SPICE1: variants seen among roughly 807,000 people sequenced by gnomAD.
SPICE1 encodes the protein spindle and centriole associated protein 1, also known as spindle and centriole-associated protein 1.
A neutral mutation model predicts 102.7 loss-of-function variants in SPICE1; 75 were observed. The observed-to-expected ratio is 0.73, with a 90% confidence interval of 0.61 to 0.88. The LOEUF (loss-of-function observed/expected upper bound fraction) is 0.88. Among genes scored for constraint, SPICE1 ranks in the 40% least tolerant of loss-of-function variants. The pLI is 0.00. For synonymous variants in SPICE1, 308 were observed against 350.3 expected, an observed-to-expected ratio of 0.88 and a Z score of 1.35; for missense variants, 979 against 1,020.1, an observed-to-expected ratio of 0.96 and a Z score of 0.55.
rs1475794644 is a variant in SPICE1, at chr3:113,453,763, G to C, written c.1845C>G (p.Asn615Lys). The change falls in exon 14 of 18, where the codon AAC (asparagine) becomes AAG (lysine). Residue 615 changes from asparagine (N) to lysine (K), a missense_variant. Asn to Lys is a moderately conservative substitution (Grantham distance 94). Transcript: ENST00000295872. ...GGTTAACAAAAGGAGCCTGAGTTTT[G>C]TTCTCCAAATCTTCTCCCATGTGAG... ...RVSHMGEDLE[N>K]KTQAPFVNLS... 7 of 1,614,092 alleles carry C rather than the reference G, an allele frequency of 4.3e-6. No individual in the cohort carries two copies. The highest frequency in any genetic ancestry group is 5.9e-6 in the Non-Finnish European group (7 of 1,180,008).
At chr3:113,500,057 G>C (rs1223289523) in intron 3 of SPICE1, among the ~76,000 whole-genome samples, 1 of 151,968 alleles carries the variant, frequency 6.6e-6, no homozygotes, top group Non-Finnish European at 1.5e-5. Context: ...CTACTACCAA[G>C]AAATAATAAT....
intron 6 of SPICE1, among the ~76,000 whole-genome samples, chr3:113,492,443 A>G (rs1347631908): frequency 6.6e-6 from 1 of 152,176 alleles, no homozygotes; most frequent in Non-Finnish European, 1.5e-5. Context: ...AAAGTTTACT[A>G]TCTCAAAATT....
chr3:113,453,799 T>A lies in SPICE1; in HGVS notation c.1809A>T (p.Arg603Ser). 1 of 1,614,126 alleles carries A rather than the reference T, an allele frequency of 6.2e-7. No individual in the cohort carries two copies. Among genetic ancestry groups the A allele is most frequent in the Non-Finnish European group, 8.5e-7 (1 of 1,180,010 alleles). Reference protein sequence around the residue: ...SSEENRLFTQRWRVSHMGEDL... With the variant: ...SSEENRLFTQSWRVSHMGEDL... ...CTTCTCCCATGTGAGAGACTCTCCA[T>A]CTCTGAGTGAAGAGACGATTCTCTT... is the stretch of plus-strand genomic sequence containing the variant. Residue 603 changes from arginine (R) to serine (S), a missense_variant, in exon 14 of 18, where the codon AGA (arginine) becomes AGT (serine). Transcript: ENST00000295872.
rs1203735473 is a variant in SPICE1 at position 113,448,125 on chromosome 3, G to C, written c.2339C>G (p.Thr780Arg). ...LRAWTEGAKR[T>R]IEVSIPGAEA... Reference sequence around the variant, plus strand: ...TGCTCCTGGAATAGATACCTCAATTGTCCTCTTTGCTCCTTCTAAAATATA... The same window carrying C: ...TGCTCCTGGAATAGATACCTCAATTCTCCTCTTTGCTCCTTCTAAAATATA... The change falls in exon 16 of 18, where the codon ACA becomes AGA. Residue 780 changes from threonine to arginine, a missense_variant. Physicochemically the swap from Thr to Arg is moderately conservative, Grantham distance 71. Transcript: ENST00000295872. 4 of 1,609,230 alleles carry C rather than the reference G, an allele frequency of 2.5e-6. No individual in the cohort carries two copies. The highest frequency in any genetic ancestry group is 3.4e-6 in the Non-Finnish European group (4 of 1,177,716).
chr3:113,451,079 A>C (rs559404460), intron 14 of SPICE1, among the ~76,000 whole-genome samples: 41 of 152,316 alleles, frequency 2.7e-4, no homozygotes, highest in African/African-American at 9.9e-4. Context: ...GCAGTTTGAC[A>C]GATTACAAAA....
At chr3:113,458,222 C>A (rs1240494105) in intron 12 of SPICE1, among the ~76,000 whole-genome samples, 1 of 83,594 alleles carries the variant, frequency 1.2e-5, no homozygotes, top group African/African-American at 3.2e-5. Flanking sequence ...TCTCCCTCTC[C>A]CGTCTCCCTC....
chr3:113,514,036 C>A (rs1937276287), intron 1 of SPICE1, among the ~76,000 whole-genome samples: 1 of 152,170 alleles, frequency 6.6e-6, no homozygotes, highest in Admixed American at 6.5e-5. Context: ...GTAATACCCC[C>A]AAAAATGTTT....
intron 11 of SPICE1, among the ~76,000 whole-genome samples, chr3:113,462,791 T>C (rs1289523369): frequency 6.6e-6 from 1 of 152,156 alleles, no homozygotes; most frequent in East Asian, 1.9e-4. Flanking sequence ...ATCTCTGATC[T>C]AGTTTCAACA....
At chr3:113,453,380 C>T in intron 14 of SPICE1, 86 bp downstream of exon 14, 7 of 1,498,092 alleles carry the variant, frequency 4.7e-6, no homozygotes, top group Non-Finnish European at 6.2e-6. Context: ...AGGATCACTT[C>T]TGAAAAGAAG....
In SPICE1 at chr3:113,444,109, G is replaced by T. The variant is rs1206703766; in HGVS notation, c.*1198C>A. The T allele has an allele frequency of 2.0e-5, 3 of 152,070 alleles. No homozygotes were observed. Among genetic ancestry groups the T allele is most frequent in the Admixed American group, 1.3e-4 (2 of 15,262 alleles). The allele number at this position is 152,070 out of a possible 1,614,324, so 9.4% of individuals were successfully genotyped here. A position where few individuals can be genotyped will look rare whatever the true frequency, so the allele number is the denominator to read the frequency against. On this transcript the variant is annotated 3_prime_UTR_variant, in exon 18 of 18. Coordinates refer to ENST00000295872, the MANE Select transcript of SPICE1 (RefSeq NM_144718.4). ...ATCTCAGTTTGAATTGTTCACTCAG[G>T]TTGAGAATTCCTATCATAGAGCCAG...
intron 3 of SPICE1, among the ~76,000 whole-genome samples, chr3:113,499,872 A>C (rs779265525): frequency 2.3e-4 from 35 of 152,180 alleles, no homozygotes; most frequent in Non-Finnish European, 4.4e-4. Context: ...TGTTTTTCAA[A>C]CCACAGGTTG....
At chr3:113,509,268 T>A (rs567796480) in intron 1 of SPICE1, among the ~76,000 whole-genome samples, 1 of 152,126 alleles carries the variant, frequency 6.6e-6, no homozygotes, top group Non-Finnish European at 1.5e-5. Context: ...AGGAAAACAA[T>A]AGTTATTCAA....
At chr3:113,504,763 T>A (rs1937076758) in intron 2 of SPICE1, among the ~76,000 whole-genome samples, 1 of 152,166 alleles carries the variant, frequency 6.6e-6, no homozygotes, top group African/African-American at 2.4e-5. Context: ...AACCATTTTC[T>A]TTTGACATTC....
chr3:113,514,962 T>G lies in SPICE1; in HGVS notation c.-66A>C. The stretch of plus-strand genomic sequence containing the variant: ...AGTAAGGATTCCCCAACCGGGCGCC[T>G]GGATCCCAGGCAACAGACAGATGCC... On this transcript the variant is annotated 5_prime_UTR_variant, in exon 1 of 18. Transcript: ENST00000295872. The G allele has an allele frequency of 1.2e-6, 1 of 827,742 alleles. No individual in the cohort carries two copies. Among genetic ancestry groups the G allele is most frequent in the South Asian group, 1.8e-5 (1 of 54,738 alleles). 51.3% of individuals were successfully genotyped at this position (827,742 alleles called of 1,614,324 possible).
At chr3:113,464,093 G>A (rs965499993) in intron 11 of SPICE1, among the ~76,000 whole-genome samples, 1 of 151,732 alleles carries the variant, frequency 6.6e-6, no homozygotes, top group African/African-American at 2.4e-5. Context: ...AAGGGTACAG[G>A]ATTTCTCTCT....
intron 8 of SPICE1, 82 bp downstream of exon 8, chr3:113,469,017 T>C: frequency 6.4e-7 from 1 of 1,564,118 alleles, no homozygotes; most frequent in South Asian, 1.2e-5. Flanking sequence ...AAAACTCAAA[T>C]AACATTCCTT....
chr3:113,488,877 T>C lies in SPICE1; in HGVS notation c.611+68A>G, dbSNP rs1031848398. 16 of 860,626 alleles carry C rather than the reference T, an allele frequency of 1.9e-5. No individual in the cohort carries two copies. In the East Asian group the frequency reaches 2.8e-4, roughly 15 times the overall value. 53.3% of individuals were successfully genotyped at this position (860,626 alleles called of 1,614,324 possible). A position where few individuals can be genotyped will look rare whatever the true frequency, so the allele number is the denominator to read the frequency against. On this transcript the variant is annotated intron_variant, in intron 7 of 17. Transcript: ENST00000295872. ...TCCCATTTAATAAAAAATGATGCAA[T>C]AGGCAAACATTGAAATGGCCATGGA...
At chr3:113,507,749 C>T (rs1370321416) in intron 1 of SPICE1, among the ~76,000 whole-genome samples, 8 of 152,096 alleles carry the variant, frequency 5.3e-5, no homozygotes, top group Non-Finnish European at 8.8e-5. Context: ...TAACAGATAC[C>T]GTGTGCTTAC....
At chr3:113,449,696 T>C (rs1935600204) in intron 15 of SPICE1, 1 of 152,308 alleles carries the variant, frequency 6.6e-6, no homozygotes, top group South Asian at 2.1e-4. Flanking sequence ...TGGAGCTTTT[T>C]CTATTCCTGA....
Sources: allele counts gnomAD v4.1 joint callset (sites outside exome capture counted in the v4.1 genomes callset), GRCh38; gene constraint gnomAD v4.1.1; transcripts MANE v1.5; gene names NCBI Gene and HGNC (gene_info 2026-07-23, HGNC 2026-07-21).